CFAP46: variants seen among roughly 807,000 people sequenced by gnomAD.
CFAP46 encodes cilia- and flagella-associated protein 46.
Under a neutral mutation model 325.7 loss-of-function variants are expected in CFAP46, and 245 were observed. That is an observed-to-expected ratio of 0.75 (90% confidence interval 0.68 to 0.84). The LOEUF is 0.84. Ranked by LOEUF, CFAP46 falls within the 40% of genes least tolerant of loss-of-function variation. The probability of loss-of-function intolerance (pLI) is 0.00; values close to 1 mark genes in which losing one functional copy is unlikely to be tolerated. For missense variants in CFAP46, 3,346 were observed against 3,543.0 expected (o/e 0.94, Z 1.41); for synonymous variants, 1,523 against 1,495.9 (o/e 1.02, Z -0.42).
Position 132,814,217 on chromosome 10 carries a change from C to A in CFAP46, c.7323G>T (p.Leu2441Phe), listed in dbSNP as rs777926203. The change falls in exon 54 of 58, where the codon TTG becomes TTT. Residue 2441 changes from leucine (L) to phenylalanine (F), a missense_variant. Leu to Phe is a conservative substitution (Grantham distance 22). Coordinates refer to ENST00000368586, the MANE Select transcript of CFAP46 (RefSeq NM_001200049.3). ...ACGTGAATGTGTCTTGGAATCTTTCCAAAATGTCTTGGGTGATGGAGACAG... is the reference window on the plus strand; with the variant it reads ...ACGTGAATGTGTCTTGGAATCTTTCAAAAATGTCTTGGGTGATGGAGACAG... ...LTPVSITQDI[L>F]ERFQDTFTSR... 3.7e-6 allele frequency: 6 copies of A among 1,613,840 alleles called. No individual in the cohort carries two copies. Among genetic ancestry groups the A allele is most frequent in the Middle Eastern group, 1.6e-4 (1 of 6,084 alleles).
At chr10:132,875,147 C>T (rs1348706030) in intron 31 of CFAP46, among the ~76,000 whole-genome samples, 2 of 152,106 alleles carry the variant, frequency 1.3e-5, no homozygotes. Context: ...GCTATATTTA[C>T]AACAGCATCA....
intron 11 of CFAP46, 65 bp downstream of exon 11, chr10:132,924,631 C>T: frequency 7.3e-7 from 1 of 1,369,792 alleles, no homozygotes; most frequent in Non-Finnish European, 9.4e-7. Flanking sequence ...GCCACCTTCT[C>T]CTCCTCTGTC....
intron 57 of CFAP46, among the ~76,000 whole-genome samples, chr10:132,809,372 C>T (rs548511269): frequency 2.0e-5 from 3 of 152,348 alleles, no homozygotes; most frequent in East Asian, 1.9e-4. Context: ...AGCAGGGCAT[C>T]GTGTGGGCCC....
chr10:132,941,140 C>T (rs1850093643), intron 3 of CFAP46, 80 bp from the exon 4 acceptor site: 1 of 1,460,906 alleles, frequency 6.8e-7, no homozygotes, highest in Non-Finnish European at 9.6e-7. Context: ...CCACGGCTCC[C>T]TCACGGTTGG....
chr10:132,823,760 G>GA (rs1847953177), intron 50 of CFAP46, among the ~76,000 whole-genome samples: 1 of 83,948 alleles, frequency 1.2e-5, no homozygotes, highest in Non-Finnish European at 2.4e-5. Flanking sequence ...TGTGTGCTGT[G>GA]TGTGTGCTGT....
At chr10:132,823,657 CTG>C (rs1217966924) in intron 50 of CFAP46, among the ~76,000 whole-genome samples, 1 of 80,030 alleles carries the variant, frequency 1.2e-5, no homozygotes, top group Non-Finnish European at 2.3e-5. Flanking sequence ...GCTGTGTGTG[CTG>C]TGTGCGCTGA....
Position 132,916,623 on chromosome 10 carries a change from G to C in CFAP46, c.2046C>G (p.Pro682=), listed in dbSNP as rs893014290. ...GVELNDRAIP[P]EDLSQHPAGY... is the part of the protein sequence containing the mutation. ...CAGCTGGGTGCTGGCTCAGGTCTTC[G>C]GGGGGGATGGCCCGGTCATTCAGCT... The change falls in exon 17 of 58, where the codon CCC becomes CCG. Residue 682 remains proline (P), a synonymous_variant. Coordinates refer to ENST00000368586, the MANE Select transcript of CFAP46 (RefSeq NM_001200049.3). 2.9e-5 allele frequency: 45 copies of C among 1,536,568 alleles called. No homozygotes were observed. Among genetic ancestry groups the C allele is most frequent in the African/African-American group, 5.5e-5 (4 of 72,262 alleles).
At chr10:132,887,778 C>G (rs1849180166) in intron 25 of CFAP46, among the ~76,000 whole-genome samples, 1 of 93,330 alleles carries the variant, frequency 1.1e-5, no homozygotes, top group South Asian at 4.5e-4. Flanking sequence ...CTCCCTTCTT[C>G]TCTCTCCTCT....
chr10:132,916,506 A>G (rs1335631327), intron 17 of CFAP46, 43 bp downstream of exon 17: 1 of 1,527,028 alleles, frequency 6.5e-7, no homozygotes, highest in East Asian at 2.6e-5. Context: ...ACTCTGACCC[A>G]CGGCCCCGGG....
At chr10:132,849,120 T>G (rs1426188474) in intron 41 of CFAP46, among the ~76,000 whole-genome samples, 1 of 152,216 alleles carries the variant, frequency 6.6e-6, no homozygotes, top group Non-Finnish European at 1.5e-5. Flanking sequence ...CACACGGGAC[T>G]TGACGTCTGC....
intron 21 of CFAP46, 116 bp downstream of exon 21, chr10:132,909,021 G>T: frequency 1.4e-6 from 1 of 707,604 alleles, no homozygotes; most frequent in Non-Finnish European, 2.4e-6. Flanking sequence ...GGGGAGAGCG[G>T]GGCAGAGTGG....
chr10:132,858,441 G>T (rs1463849882), intron 38 of CFAP46, among the ~76,000 whole-genome samples: 1 of 150,980 alleles, frequency 6.6e-6, no homozygotes, highest in Non-Finnish European at 1.5e-5. Context: ...AGGCTTTGCT[G>T]GGGGCGACCC....
At chr10:132,912,952 A>T (rs1467989370) in intron 18 of CFAP46, 94 bp downstream of exon 18, 16 of 1,490,952 alleles carry the variant, frequency 1.1e-5, no homozygotes, top group Non-Finnish European at 1.4e-5. Context: ...GCTGGGACAC[A>T]GAGGGCCATG....
chr10:132,929,312 T>C lies in CFAP46; in HGVS notation c.966+393A>G, dbSNP rs1044260516. On this transcript the variant is annotated intron_variant, in intron 9 of 57. Coordinates refer to ENST00000368586, the MANE Select transcript of CFAP46 (RefSeq NM_001200049.3). ...GCTTAATATTTTCATACTGTAGCTGTCTGCAGGTAACAAACTGCAGAAAGT... is the reference window on the plus strand; with the variant it reads ...GCTTAATATTTTCATACTGTAGCTGCCTGCAGGTAACAAACTGCAGAAAGT... The C allele has an allele frequency of 6.6e-6, 4 of 605,242 alleles. No individual in the cohort carries two copies. In the Admixed American group the frequency reaches 8.6e-5, roughly 13 times the overall value. 37.5% of individuals were successfully genotyped at this position (605,242 alleles called of 1,614,324 possible).
intron 36 of CFAP46, 105 bp downstream of exon 36, chr10:132,860,677 G>T: frequency 7.7e-7 from 1 of 1,304,694 alleles, no homozygotes; most frequent in Non-Finnish European, 1.1e-6. Flanking sequence ...GGATCCAGGC[G>T]TGTCATCAGC....
Position 132,810,474 on chromosome 10 carries a change from C to G in CFAP46, c.7599G>C (p.Trp2533Cys), listed in dbSNP as rs765970549. The G allele has an allele frequency of 1.5e-5, 25 of 1,613,628 alleles. No homozygotes were observed. The highest frequency in any genetic ancestry group is 1.7e-4 in the Middle Eastern group (1 of 6,060). Residue 2533 changes from tryptophan (W) to cysteine (C), a missense_variant, in exon 57 of 58, where the codon TGG (tryptophan) becomes TGC (cysteine). Transcript: ENST00000368586. ...ACGCACTGTTTCTCCAATTGGCTTC[C>G]CAACGGCCAACAGATCTAGGGGAGA... is the stretch of plus-strand genomic sequence containing the variant. ...SVEHRRSVGRWEANWRNSASP... is the reference protein window; with the variant it reads ...SVEHRRSVGRCEANWRNSASP...
intron 13 of CFAP46, among the ~76,000 whole-genome samples, chr10:132,921,028 G>A (rs1849714845): frequency 6.6e-6 from 1 of 152,254 alleles, no homozygotes; most frequent in Non-Finnish European, 1.5e-5. Flanking sequence ...GTGGATGACA[G>A]GGCGGCAGCC....
At chr10:132,844,176 C>T (rs371197708) in intron 44 of CFAP46, among the ~76,000 whole-genome samples, 17 of 89,800 alleles carry the variant, frequency 1.9e-4, no homozygotes, top group Admixed American at 7.1e-4. Flanking sequence ...TCTCAATGGG[C>T]GTTCCCAGGG....
Position 132,887,230 on chromosome 10 carries a change from CCTCTCCCCTCTTCTCTCTCCT to C in CFAP46, c.3305-1292_3305-1272del, listed in dbSNP as rs1258151378. On this transcript the variant is annotated intron_variant, in intron 25 of 57. Coordinates refer to ENST00000368586, the MANE Select transcript of CFAP46 (RefSeq NM_001200049.3). ...CTTTCCTCTCCCCTCTTCTCTCTCTCCTCTCCCCTCTTCTCTCTCCTCTCTCGCTTCTCTCTCTCCTCTCCT... is the reference window on the plus strand; with the variant it reads ...CTTTCCTCTCCCCTCTTCTCTCTCTCCTCTCGCTTCTCTCTCTCCTCTCCT... Among the ~76,000 whole-genome samples, 92 of 103,650 alleles carry C rather than the reference CCTCTCCCCTCTTCTCTCTCCT, an allele frequency of 8.9e-4. 2 individuals carry two copies. The highest frequency in any genetic ancestry group is 2.4e-3 in the African/African-American group (41 of 17,118). 68.0% of individuals were successfully genotyped at this position (103,650 alleles called of 152,430 possible). A position where few individuals can be genotyped will look rare whatever the true frequency, so the allele number is the denominator to read the frequency against.
Sources: gnomAD v4.1 joint callset for allele counts (sites outside exome capture counted in the v4.1 genomes callset) on GRCh38, gnomAD v4.1.1 for gene constraint, MANE v1.5 for transcripts, NCBI Gene and HGNC (gene_info 2026-07-23, HGNC 2026-07-21) for gene names.